The following OSBPL10 variants were observed in gnomAD, a reference collection of about 807,000 sequenced individuals.
OSBPL10 encodes oxysterol binding protein like 10.
A neutral mutation model predicts 81.7 loss-of-function variants in OSBPL10; 49 were observed. That is an observed-to-expected ratio of 0.60 (90% CI 0.48 to 0.76). The LOEUF (loss-of-function observed/expected upper bound fraction) is 0.76. OSBPL10 is among the 30% of genes least tolerant of loss of function. The pLI, the probability that OSBPL10 is intolerant of heterozygous loss-of-function variation, is 0.00. For synonymous variants in OSBPL10, 419 were observed against 383.6 expected (o/e 1.09, Z -1.08); for missense variants, 923 against 987.8 (o/e 0.93, Z 0.88).
chr3:31,819,690 T>C (rs1460439366), intron 4 of OSBPL10, among the ~76,000 whole-genome samples: 1 of 152,238 alleles, frequency 6.6e-6, no homozygotes, highest in Non-Finnish European at 1.5e-5. Flanking sequence ...TCAAATTCCC[T>C]GGGCCAGAAT....
chr3:31,744,047 A>C (rs1346892085), intron 5 of OSBPL10, among the ~76,000 whole-genome samples: 1 of 152,190 alleles, frequency 6.6e-6, no homozygotes, highest in East Asian at 1.9e-4. Context: ...TTCCTGCAAG[A>C]AGTAACTCTG....
intron 8 of OSBPL10, among the ~76,000 whole-genome samples, chr3:31,677,589 C>A (rs1700510670): frequency 1.3e-5 from 2 of 152,222 alleles, no homozygotes; most frequent in Non-Finnish European, 2.9e-5. Context: ...AATTCTGCTT[C>A]ATCTGCAGGC....
chr3:31,747,557 T>C (rs532468752), intron 5 of OSBPL10, among the ~76,000 whole-genome samples: 1 of 149,094 alleles, frequency 6.7e-6, no homozygotes, highest in East Asian at 2.0e-4. Flanking sequence ...AGACTTATAA[T>C]GTGATGCCAG....
intron 3 of OSBPL10, among the ~76,000 whole-genome samples, chr3:31,855,566 G>A (rs1337417508): frequency 5.3e-5 from 8 of 152,122 alleles, no homozygotes; most frequent in South Asian, 2.1e-4. Flanking sequence ...CAAGCTACAC[G>A]TAGTCACTTT....
Position 31,934,090 on chromosome 3 carries a change from C to CA in OSBPL10, c.281+46808dup, listed in dbSNP as rs766435760. Among the ~76,000 whole-genome samples the CA allele has an allele frequency of 7.9e-3, 1,021 of 129,586 alleles. 8 individuals carry two copies. Among genetic ancestry groups the CA allele is most frequent in the African/African-American group, 0.025 (903 of 35,698 alleles). 85.0% of individuals were successfully genotyped at this position (129,586 alleles called of 152,430 possible). A position where few individuals can be genotyped will look rare whatever the true frequency, so the allele number is the denominator to read the frequency against. On this transcript the variant is annotated intron_variant, in intron 1 of 11. Transcript: ENST00000396556. ...CCACCTCTGTTTAAAAAAAAAAAAA[C>CA]AAAAAAAAAAACCTGGCATATATAA... is the stretch of plus-strand genomic sequence containing the variant.
In OSBPL10 at chr3:31,683,736, A is replaced by G. The variant is rs1412765033; in HGVS notation, c.1624T>C (p.Phe542Leu). Residue 542 changes from phenylalanine to leucine, a missense_variant, in exon 8 of 12, where the codon TTC becomes CTC. By Grantham distance (22) the Phe-to-Leu change is conservative. Coordinates refer to ENST00000396556, the MANE Select transcript of OSBPL10 (RefSeq NM_017784.5). ...CTCTTCTCCTCGCACTCACAGTAGA[A>G]GCAGGAGATGGGTGGGTGATGGGAC... is the stretch of plus-strand genomic sequence containing the variant. ...QVSHHPPISC[F>L]YCECEEKRLC... The G allele has an allele frequency of 6.2e-7, 1 of 1,614,218 alleles. No individual in the cohort carries two copies. The highest frequency in any genetic ancestry group is 8.5e-7 in the Non-Finnish European group (1 of 1,180,038).
rs1311981630 is a variant in OSBPL10, at chr3:31,981,191, G to A, written c.-12C>T. On this transcript the variant is annotated 5_prime_UTR_variant, in exon 1 of 12. Transcript: ENST00000396556. The surrounding 1 kb of genome is among the most constrained non-coding windows in gnomAD (Gnocchi z 4.5). ...ACTGCCCTCTCCATGGTCCGTGGGCGCCCGGGACGCGGGTGCCCGCCGCGG... is the reference window on the plus strand; with the variant it reads ...ACTGCCCTCTCCATGGTCCGTGGGCACCCGGGACGCGGGTGCCCGCCGCGG... The A allele has an allele frequency of 3.5e-6, 5 of 1,409,346 alleles. No homozygotes were observed. Among genetic ancestry groups the A allele is most frequent in the South Asian group, 3.1e-5 (2 of 65,328 alleles). The allele number at this position is 1,409,346 out of a possible 1,614,324, so 87.3% of individuals were successfully genotyped here.
At chr3:31,889,499 C>A (rs1490404375) in intron 1 of OSBPL10, among the ~76,000 whole-genome samples, 1 of 151,818 alleles carries the variant, frequency 6.6e-6, no homozygotes, top group Non-Finnish European at 1.5e-5. Context: ...TCATTCTCAG[C>A]AACACAGATG....
rs905686585 is a variant in OSBPL10 at position 31,992,580 on chromosome 3, G to T, written n.298+53911C>A. 4.6e-5 allele frequency among the ~76,000 whole-genome samples: 7 copies of T among 152,268 alleles called. No homozygotes were observed. In the South Asian group the frequency reaches 1.0e-3, roughly 23 times the overall value. ...CACTCCAATCTCTGGTTCTGTCATT[G>T]CATCTCCTTCTCTGACTCTGACCCT... On this transcript the variant is annotated intron_variant and non_coding_transcript_variant, in intron 2 of 3. Coordinates refer to the OSBPL10 transcript ENST00000479173.
At chr3:31,909,356 C>A (rs192776272) in intron 1 of OSBPL10, among the ~76,000 whole-genome samples, 21 of 152,248 alleles carry the variant, frequency 1.4e-4, no homozygotes, top group Admixed American at 9.8e-4. Flanking sequence ...GGTTTCTGGT[C>A]TTCTGCCTTT....
chr3:31,849,667 T>C (rs1310766340), intron 3 of OSBPL10, among the ~76,000 whole-genome samples: 1 of 152,172 alleles, frequency 6.6e-6, no homozygotes, highest in Non-Finnish European at 1.5e-5. Flanking sequence ...GACATATGCA[T>C]TCCACTAAAT....
intron 1 of OSBPL10, among the ~76,000 whole-genome samples, chr3:31,958,838 T>C (rs1453878741): frequency 1.3e-5 from 2 of 152,230 alleles, no homozygotes; most frequent in East Asian, 1.9e-4. Context: ...GTTTACATAT[T>C]GCCTAGGGCT....
At chr3:31,804,647 C>T (rs1699478509) in intron 4 of OSBPL10, among the ~76,000 whole-genome samples, 1 of 152,194 alleles carries the variant, frequency 6.6e-6, no homozygotes, top group South Asian at 2.1e-4. Flanking sequence ...AGCTCCCCAT[C>T]CCACAGTGGC....
chr3:32,073,121 C>T (rs935841986), intron 1 of OSBPL10, among the ~76,000 whole-genome samples: 5 of 152,190 alleles, frequency 3.3e-5, no homozygotes, highest in African/African-American at 1.2e-4. Flanking sequence ...GAATTCGAGC[C>T]TGTCCTCGAG....
intron 2 of OSBPL10, among the ~76,000 whole-genome samples, chr3:32,023,343 C>T (rs185629126): frequency 5.9e-5 from 9 of 152,212 alleles, no homozygotes; most frequent in Admixed American, 5.9e-4. Context: ...TGCCCTCTTG[C>T]CTGCTGCCAT....
intron 2 of OSBPL10, among the ~76,000 whole-genome samples, chr3:32,010,597 G>T (rs1478040325): frequency 2.0e-5 from 3 of 152,212 alleles, no homozygotes; most frequent in Non-Finnish European, 4.4e-5. Flanking sequence ...AGTGGGTGCA[G>T]AACAGTGGGT....
chr3:31,693,563 T>A (rs896549501), intron 7 of OSBPL10, among the ~76,000 whole-genome samples: 14 of 152,190 alleles, frequency 9.2e-5, no homozygotes, highest in African/African-American at 3.4e-4. Flanking sequence ...TGTAGTGTGA[T>A]TCTATATACC....
intron 1 of OSBPL10, among the ~76,000 whole-genome samples, chr3:31,907,885 CAT>C (rs1198711349): frequency 2.0e-5 from 3 of 152,052 alleles, no homozygotes; most frequent in African/African-American, 7.2e-5. Flanking sequence ...AAATTATAAA[CAT>C]ATACACAAAC....
chr3:31,916,011 G>A (rs1211202135), intron 1 of OSBPL10, among the ~76,000 whole-genome samples: 8 of 150,180 alleles, frequency 5.3e-5, no homozygotes, highest in East Asian at 2.0e-4. Flanking sequence ...CAAGAGAATC[G>A]CTTGAACCCG....
Sources: gnomAD v4.1 joint callset for allele counts (sites outside exome capture counted in the v4.1 genomes callset) on GRCh38, gnomAD v4.1.1 for gene constraint, Gnocchi (gnomAD v3.1) non-coding constraint, MANE v1.5 for transcripts, NCBI Gene and HGNC (gene_info 2026-07-23, HGNC 2026-07-21) for gene names.